Variants in PRKN observed in about 807,000 individuals in gnomAD.
The protein encoded by PRKN is parkin RBR E3 ubiquitin protein ligase.
PRKN carries 56 observed loss-of-function variants against 59.5 expected under a neutral mutation model. The ratio of observed to expected loss-of-function variants is 0.94; its 90% confidence interval spans 0.76 to 1.18. The LOEUF (loss-of-function observed/expected upper bound fraction) is 1.18. Among genes scored for constraint, PRKN ranks in the 50% most tolerant of loss-of-function variants. The probability of loss-of-function intolerance (pLI) is 0.00; values close to 1 mark genes in which losing one functional copy is unlikely to be tolerated. For synonymous variants in PRKN, 250 were observed against 222.1 expected (o/e 1.13, Z -1.12); for missense variants, 657 against 596.4 (o/e 1.10, Z -1.06).
intron 7 of PRKN, among the ~76,000 whole-genome samples, chr6:161,661,895 C>A (rs143648309): frequency 0.022 from 3,305 of 151,962 alleles, 101 homozygotes; most frequent in African/African-American, 0.076. Context: ...TGGTGGTGGG[C>A]ACCTGGAATC....
At chr6:161,968,096 G>C (rs1780650068) in intron 6 of PRKN, among the ~76,000 whole-genome samples, 1 of 151,784 alleles carries the variant, frequency 6.6e-6, no homozygotes, top group Non-Finnish European at 1.5e-5. Context: ...TCACGCCTCA[G>C]TGCAACTTCC....
At chr6:162,230,765 T>A (rs6910505) in intron 3 of PRKN, among the ~76,000 whole-genome samples, 17,952 of 152,236 alleles carry the variant, frequency 0.12, 1,698 homozygotes, top group East Asian at 0.49. Context: ...CTCTGTTAAT[T>A]GACTGCTCCT....
At chr6:161,583,176 T>G (rs962676988) in intron 7 of PRKN, among the ~76,000 whole-genome samples, 1 of 152,202 alleles carries the variant, frequency 6.6e-6, no homozygotes, top group Admixed American at 6.5e-5. Context: ...TCTGGTGATA[T>G]GATGTCACTC....
chr6:162,156,424 G>C (rs529530936), intron 4 of PRKN, among the ~76,000 whole-genome samples: 2 of 152,274 alleles, frequency 1.3e-5, no homozygotes, highest in South Asian at 4.1e-4. Context: ...TCAAAAGTAG[G>C]GAAGCTGACA....
intron 6 of PRKN, among the ~76,000 whole-genome samples, chr6:161,800,969 C>T (rs1341873066): frequency 1.3e-5 from 2 of 152,172 alleles, no homozygotes. Flanking sequence ...AATCTCACTG[C>T]CTAATGCTGG....
At chr6:162,352,020 C>G (rs993291479) in intron 2 of PRKN, among the ~76,000 whole-genome samples, 1 of 152,098 alleles carries the variant, frequency 6.6e-6, no homozygotes, top group African/African-American at 2.4e-5. Flanking sequence ...CACCAGAGTG[C>G]TACTTATTCT....
intron 1 of PRKN, among the ~76,000 whole-genome samples, chr6:162,609,881 C>T (rs1005166229): frequency 8.5e-5 from 13 of 152,204 alleles, no homozygotes; most frequent in East Asian, 3.9e-4. Context: ...CACAACTAAG[C>T]GTTCTTAAAC....
rs1244011430 is a variant in PRKN, at chr6:161,388,254, A to G, written c.1084-1377T>C. ...AGGATAACAGCGATAGCTTTCTCATATGACCCCTGGGAGAGGTAGTGAGAT... is the reference window on the plus strand; with the variant it reads ...AGGATAACAGCGATAGCTTTCTCATGTGACCCCTGGGAGAGGTAGTGAGAT... On this transcript the variant is annotated intron_variant, in intron 9 of 11. Coordinates refer to ENST00000366898, the MANE Select transcript of PRKN (RefSeq NM_004562.3). The surrounding 1 kb of genome is among the most constrained non-coding windows in gnomAD (Gnocchi z 4.3). Among the ~76,000 whole-genome samples, 1 of 152,214 alleles carries G rather than the reference A, an allele frequency of 6.6e-6. No homozygotes were observed. The highest frequency in any genetic ancestry group is 1.9e-4 in the East Asian group (1 of 5,186).
intron 8 of PRKN, among the ~76,000 whole-genome samples, chr6:161,556,374 GA>G: frequency 6.6e-6 from 1 of 152,144 alleles, no homozygotes; most frequent in South Asian, 2.1e-4. Flanking sequence ...ATATTTATAA[GA>G]AAAACACTGA....
chr6:162,727,737 C>T lies in PRKN; in HGVS notation c.-69G>A. 6.7e-7 allele frequency: 1 copy of T among 1,500,022 alleles called. No individual in the cohort carries two copies. The highest frequency in any genetic ancestry group is 9.1e-7 in the Non-Finnish European group (1 of 1,101,916). 92.9% of individuals were successfully genotyped at this position (1,500,022 alleles called of 1,614,324 possible). On this transcript the variant is annotated 5_prime_UTR_variant, in exon 1 of 12. Transcript: ENST00000366898. The stretch of plus-strand genomic sequence containing the variant: ...GCGCGCAGCGGCGCCAGCCGCGCCT[C>T]CCACCAGCGGCTCTCCTGGGTTAAA...
intron 4 of PRKN, among the ~76,000 whole-genome samples, chr6:162,191,092 G>C (rs1784259244): frequency 6.6e-6 from 1 of 152,206 alleles, no homozygotes; most frequent in Non-Finnish European, 1.5e-5. Context: ...TAGAACAGCA[G>C]GGTTTCCACG....
chr6:162,448,343 C>A (rs1422661629), intron 1 of PRKN, among the ~76,000 whole-genome samples: 1 of 152,014 alleles, frequency 6.6e-6, no homozygotes, highest in Non-Finnish European at 1.5e-5. Flanking sequence ...CGATTACTAC[C>A]CCATTTTTCT....
At chr6:162,584,332 T>C (rs552627652) in intron 1 of PRKN, among the ~76,000 whole-genome samples, 138 of 152,174 alleles carry the variant, frequency 9.1e-4, no homozygotes, top group African/African-American at 3.3e-3. Flanking sequence ...CTGATATACC[T>C]TTAAAGTTAT....
intron 9 of PRKN, among the ~76,000 whole-genome samples, chr6:161,422,123 G>A (rs531692302): frequency 2.6e-5 from 4 of 151,790 alleles, no homozygotes; most frequent in African/African-American, 4.8e-5. Flanking sequence ...ATTAGCCAAG[G>A]ATTCTACTTA....
At chr6:162,612,161 C>G (rs1233857775) in intron 1 of PRKN, among the ~76,000 whole-genome samples, 2 of 140,760 alleles carry the variant, frequency 1.4e-5, no homozygotes, top group Non-Finnish European at 3.0e-5. Context: ...CCACTGCACT[C>G]CAGCCTCGGA....
intron 8 of PRKN, among the ~76,000 whole-genome samples, chr6:161,559,405 A>G (rs780635373): frequency 2.0e-5 from 3 of 152,240 alleles, no homozygotes; most frequent in Non-Finnish European, 2.9e-5. Context: ...GATGGAGCGC[A>G]CTGCAGAAAG....
chr6:162,680,047 T>TTTCC (rs1341171714), intron 1 of PRKN, among the ~76,000 whole-genome samples: 1 of 152,108 alleles, frequency 6.6e-6, no homozygotes, highest in Non-Finnish European at 1.5e-5. Context: ...TCTGATCCTA[T>TTTCC]TTCCTTTCAT....
intron 3 of PRKN, among the ~76,000 whole-genome samples, chr6:162,246,503 G>A (rs936972415): frequency 1.3e-5 from 2 of 152,122 alleles, no homozygotes; most frequent in African/African-American, 4.8e-5. Context: ...AGCAAACTCT[G>A]AGTACTTCAA....
At chr6:162,001,714 T>A (rs1189701005) in intron 5 of PRKN, among the ~76,000 whole-genome samples, 2 of 152,054 alleles carry the variant, frequency 1.3e-5, no homozygotes, top group Non-Finnish European at 2.9e-5. Context: ...GAAATGACAT[T>A]CTTGCATTGT....
Sources: allele counts gnomAD v4.1 joint callset (sites outside exome capture counted in the v4.1 genomes callset), GRCh38; gene constraint gnomAD v4.1.1; non-coding constraint Gnocchi (gnomAD v3.1); transcripts MANE v1.5; gene names NCBI Gene and HGNC (gene_info 2026-07-23, HGNC 2026-07-21).